SLC22A14: variants seen among roughly 807,000 people sequenced by gnomAD.
SLC22A14 encodes organic cation transporter-like 4.
A neutral mutation model predicts 53.9 loss-of-function variants in SLC22A14; 50 were observed. The ratio of observed to expected loss-of-function variants is 0.93; its 90% CI spans 0.74 to 1.17. The LOEUF (loss-of-function observed/expected upper bound fraction) is 1.17, where lower values mean the gene tolerates loss of function less well. Among genes scored for constraint, SLC22A14 ranks in the 50% most tolerant of loss-of-function variants. The pLI is 0.00. For missense variants in SLC22A14, 671 were observed against 734.7 expected (o/e 0.91, Z 1.00); for synonymous variants, 312 against 303.0 (o/e 1.03, Z -0.31).
At chr3:38,309,813 T>G (rs142926522) in intron 5 of SLC22A14, among the ~76,000 whole-genome samples, 4 of 152,256 alleles carry the variant, frequency 2.6e-5, no homozygotes, top group East Asian at 1.9e-4. Context: ...GGAACCCACG[T>G]GTGAAGGGTT....
At position 38,306,351 on chromosome 3, in the gene SLC22A14, CA is replaced by C; in HGVS notation, c.326del (p.His109ProfsTer8). ...CAGCTGGATCCTGGCAGTGGGCCCC[CA>C]CCTGTCCAAAGCTGAGCAGCTGAAT... ...NTSWILAVGP[H>X]LSKAEQLNLT... On this transcript the variant is annotated frameshift_variant, in exon 2 of 11. Coordinates refer to ENST00000448498, the MANE Select transcript of SLC22A14 (RefSeq NM_001320033.2). LOFTEE classifies it high-confidence loss of function. The C allele has an allele frequency of 6.2e-7, 1 of 1,614,204 alleles. No individual in the cohort carries two copies. Among genetic ancestry groups the C allele is most frequent in the Non-Finnish European group, 8.5e-7 (1 of 1,180,032 alleles).
chr3:38,318,378 C>G lies in SLC22A14; in HGVS notation c.*129C>G. ...AGCCAGGCTCCCTGAGGGCCAGGCC[C>G]CCAGACCATCTTGGGTTGGAATTGA... On this transcript the variant is annotated 3_prime_UTR_variant, in exon 11 of 11. Transcript: ENST00000448498. The G allele has an allele frequency of 1.2e-6, 1 of 853,558 alleles. No homozygotes were observed. The highest frequency in any genetic ancestry group is 2.4e-5 in the East Asian group (1 of 41,104). The allele number at this position is 853,558 out of a possible 1,614,324, so 52.9% of individuals were successfully genotyped here. A position where few individuals can be genotyped will look rare whatever the true frequency, so the allele number is the denominator to read the frequency against.
At chr3:38,311,342 T>G (rs1296216621) in intron 5 of SLC22A14, among the ~76,000 whole-genome samples, 1 of 152,232 alleles carries the variant, frequency 6.6e-6, no homozygotes, top group African/African-American at 2.4e-5. Context: ...TTTGGGGTTA[T>G]TCTTTTAGTG....
rs563909472 is a variant in SLC22A14, at chr3:38,313,229, C to A, written c.1065+110C>A. On this transcript the variant is annotated intron_variant, in intron 6 of 10. Coordinates refer to ENST00000448498, the MANE Select transcript of SLC22A14 (RefSeq NM_001320033.2). Reference sequence around the variant, plus strand: ...TGGTCCAGAGGGTGCCCCCAGTCCACTGCTTAAGGACAATGGTGACAGCAA... The same window carrying A: ...TGGTCCAGAGGGTGCCCCCAGTCCAATGCTTAAGGACAATGGTGACAGCAA... The A allele has an allele frequency of 3.0e-4, 449 of 1,495,462 alleles. 5 individuals are homozygous for A. In the South Asian group the frequency reaches 5.0e-3, roughly 17 times the overall value. The allele number at this position is 1,495,462 out of a possible 1,614,324, so 92.6% of individuals were successfully genotyped here.
At chr3:38,293,371 T>A (rs1038438658) in intron 1 of SLC22A14, among the ~76,000 whole-genome samples, 14 of 152,158 alleles carry the variant, frequency 9.2e-5, no homozygotes, top group East Asian at 1.9e-4. Flanking sequence ...TGGCCTTTTT[T>A]AAATCCCATT....
chr3:38,309,138 C>T lies in SLC22A14; in HGVS notation c.944+16C>T. 1 of 1,610,340 alleles carries T rather than the reference C, an allele frequency of 6.2e-7. No individual in the cohort carries two copies. Among genetic ancestry groups the T allele is most frequent in the Non-Finnish European group, 8.5e-7 (1 of 1,176,698 alleles). On this transcript the variant is annotated intron_variant, in intron 5 of 10. Transcript: ENST00000448498. ...CCTATATCTGGTGAGCAAGCGAGTACCGGGCATGTACAGGGCTGGGTCTGA... is the reference window on the plus strand; with the variant it reads ...CCTATATCTGGTGAGCAAGCGAGTATCGGGCATGTACAGGGCTGGGTCTGA...
chr3:38,297,455 A>G (rs748844418), intron 1 of SLC22A14, among the ~76,000 whole-genome samples: 2 of 150,928 alleles, frequency 1.3e-5, no homozygotes, highest in Non-Finnish European at 3.0e-5. Context: ...TTTTTTTTTA[A>G]TTTTCTTCCA....
At chr3:38,303,531 T>TATCTCTATCTATATC (rs796430451) in intron 1 of SLC22A14, among the ~76,000 whole-genome samples, 58 of 152,276 alleles carry the variant, frequency 3.8e-4, no homozygotes, top group African/African-American at 1.1e-3. Flanking sequence ...CATATGGAGT[T>TATCTCTATCTATATC]ATCTCTATCT....
At position 38,312,981 on chromosome 3, in the gene SLC22A14, G is replaced by T; in HGVS notation, c.945-18G>T. On this transcript the variant is annotated intron_variant, in intron 5 of 10. Transcript: ENST00000448498. ...GGCATCATAGAACGGTGAGATAAGA[G>T]AGGGGCTGGCCACGCAGGATTCTCC... 1 of 1,572,424 alleles carries T rather than the reference G, an allele frequency of 6.4e-7. No individual in the cohort carries two copies.
chr3:38,310,980 G>C (rs1014449657), intron 5 of SLC22A14, among the ~76,000 whole-genome samples: 1 of 152,142 alleles, frequency 6.6e-6, no homozygotes, highest in Admixed American at 6.5e-5. Flanking sequence ...CTCTCTCACT[G>C]TCTGGAATAC....
intron 1 of SLC22A14, among the ~76,000 whole-genome samples, chr3:38,292,341 T>C (rs1373369403): frequency 6.6e-6 from 1 of 152,180 alleles, no homozygotes; most frequent in Non-Finnish European, 1.5e-5. Context: ...TGTACAGGGA[T>C]GCAGAAAAAG....
chr3:38,309,184 A>G (rs1704402077), intron 5 of SLC22A14, 62 bp downstream of exon 5: 10 of 1,414,418 alleles, frequency 7.1e-6, no homozygotes, highest in Non-Finnish European at 9.9e-6. Flanking sequence ...GTCGATGAGT[A>G]TGGAGGGTCC....
chr3:38,315,594 C>T lies in SLC22A14; in HGVS notation c.1415C>T (p.Pro472Leu), dbSNP rs747475345. The change falls in exon 9 of 11, where the codon CCG becomes CTG. Residue 472 changes from proline to leucine, a missense_variant. By Grantham distance (98) the Pro-to-Leu change is moderately conservative. Transcript: ENST00000448498. ...CTCAGACTCAAGTGGCCACGTTGTC[C>T]GGCCACAGAGCTGAAATCCATGACG... ...DGLRLKWPRC[P>L]ATELKSMTIL... The T allele has an allele frequency of 9.9e-6, 16 of 1,614,068 alleles. No homozygotes were observed. The highest frequency in any genetic ancestry group is 4.5e-5 in the East Asian group (2 of 44,870).
chr3:38,296,438 G>A (rs1247488593), intron 1 of SLC22A14, among the ~76,000 whole-genome samples: 4 of 152,320 alleles, frequency 2.6e-5, no homozygotes, highest in Admixed American at 6.5e-5. Context: ...CCGGCTGACA[G>A]GTACCTGGTA....
At position 38,313,455 on chromosome 3, in the gene SLC22A14, G is replaced by A; in HGVS notation, c.1133G>A (p.Cys378Tyr). Residue 378 changes from cysteine (C) to tyrosine (Y), a missense_variant, in exon 7 of 11, where the codon TGC (cysteine) becomes TAC (tyrosine). By Grantham distance (194) the Cys-to-Tyr change is radical. Transcript: ENST00000448498. Reference sequence around the variant, plus strand: ...GACTTCTGTAAGAATAGGCAGCTCTGCAAGGTGACCTTGGTGATGAGCTGT... The same window carrying A: ...GACTTCTGTAAGAATAGGCAGCTCTACAAGGTGACCTTGGTGATGAGCTGT... ...VLDFCKNRQL[C>Y]KVTLVMSCVW... The A allele has an allele frequency of 6.2e-7, 1 of 1,613,554 alleles. No individual in the cohort carries two copies. The highest frequency in any genetic ancestry group is 8.5e-7 in the Non-Finnish European group (1 of 1,179,450).
At chr3:38,280,935 C>G (rs1204593178), upstream of SLC22A14, among the ~76,000 whole-genome samples, 2 of 152,174 alleles carry the variant, frequency 1.3e-5, no homozygotes, top group African/African-American at 4.8e-5. Flanking sequence ...CAGCCGAGTT[C>G]TGGGATCTTA....
At chr3:38,279,608 G>A (rs1281549410), upstream of SLC22A14, among the ~76,000 whole-genome samples, 1 of 151,824 alleles carries the variant, frequency 6.6e-6, no homozygotes, top group Non-Finnish European at 1.5e-5. Context: ...TCCTTTTTGG[G>A]GGGATTATGG....
chr3:38,305,641 TTTGTTTTTGAAGAAAA>T, intron 1 of SLC22A14: 1 of 175,502 alleles, frequency 5.7e-6, no homozygotes, highest in Non-Finnish European at 1.2e-5. Context: ...CAGATCTTTG[TTTGTTTTTGAAGAAAA>T]GGTCCCTAGA....
At chr3:38,293,094 G>A (rs1378955698) in intron 1 of SLC22A14, among the ~76,000 whole-genome samples, 1 of 152,108 alleles carries the variant, frequency 6.6e-6, no homozygotes, top group Non-Finnish European at 1.5e-5. Context: ...GCTTGCTCCG[G>A]GAACCCTCAG....
Sources: gnomAD v4.1 joint callset for allele counts (sites outside exome capture counted in the v4.1 genomes callset) on GRCh38, gnomAD v4.1.1 for gene constraint, MANE v1.5 for transcripts, NCBI Gene and HGNC (gene_info 2026-07-23, HGNC 2026-07-21) for gene names.